Variants in THRB observed in about 807,000 individuals in gnomAD.
THRB encodes the protein nuclear receptor subfamily 1 group A member 2.
THRB carries 12 observed loss-of-function variants against 47.8 expected under a neutral mutation model. The ratio of observed to expected loss-of-function variants is 0.25; its 90% CI spans 0.16 to 0.41. The LOEUF (loss-of-function observed/expected upper bound fraction) is 0.41. THRB is among the 10% of genes least tolerant of loss of function. The pLI is 1.00. For missense variants in THRB, 348 were observed against 589.2 expected, an observed-to-expected ratio of 0.59 and a Z score of 4.24; for synonymous variants, 218 against 212.2, an observed-to-expected ratio of 1.03 and a Z score of -0.24.
At chr3:24,395,622 G>A (rs965652543) in intron 1 of THRB, among the ~76,000 whole-genome samples, 16 of 152,162 alleles carry the variant, frequency 1.1e-4, no homozygotes, top group Admixed American at 2.0e-4. Context: ...ACAAGTGTTG[G>A]CAAGGATGTA....
At chr3:24,191,769 T>C (rs189790979) in intron 4 of THRB, among the ~76,000 whole-genome samples, 4 of 152,344 alleles carry the variant, frequency 2.6e-5, no homozygotes, top group South Asian at 4.1e-4. Flanking sequence ...CCAATGCCCA[T>C]GCACATTGTA....
intron 5 of THRB, among the ~76,000 whole-genome samples, chr3:24,155,299 G>T (rs1173121586): frequency 6.6e-6 from 1 of 152,152 alleles, no homozygotes; most frequent in African/African-American, 2.4e-5. Context: ...AATGACTTTA[G>T]TTAAATCATC....
At chr3:24,158,438 GGA>G (rs79754989) in intron 5 of THRB, among the ~76,000 whole-genome samples, 47,719 of 134,476 alleles carry the variant, frequency 0.35, 8,497 homozygotes, top group South Asian at 0.48. Context: ...TTTTTTGGGG[GGA>G]GGGTGGGGGA....
chr3:24,140,656 A>G (rs1346768146), intron 8 of THRB, among the ~76,000 whole-genome samples: 1 of 152,184 alleles, frequency 6.6e-6, no homozygotes, highest in Non-Finnish European at 1.5e-5. Context: ...TGGAAGCTGC[A>G]AGGCTTCTTA....
intron 1 of THRB, among the ~76,000 whole-genome samples, chr3:24,422,541 C>G (rs1234448546): frequency 6.6e-6 from 1 of 151,918 alleles, no homozygotes; most frequent in African/African-American, 2.4e-5. Context: ...CAGCCACTCT[C>G]CTCAATTTCC....
At chr3:24,374,540 G>C (rs975578790) in intron 1 of THRB, among the ~76,000 whole-genome samples, 7 of 152,114 alleles carry the variant, frequency 4.6e-5, no homozygotes, top group African/African-American at 1.4e-4. Context: ...CTTCAGGGCT[G>C]ATACTATTAT....
At chr3:24,317,680 G>A (rs762074365) in intron 2 of THRB, among the ~76,000 whole-genome samples, 2 of 152,146 alleles carry the variant, frequency 1.3e-5, no homozygotes, top group Non-Finnish European at 2.9e-5. Flanking sequence ...TCAATTCTTA[G>A]ACTACCATAT....
At chr3:24,209,795 C>T (rs2045824196) in intron 4 of THRB, among the ~76,000 whole-genome samples, 2 of 151,854 alleles carry the variant, frequency 1.3e-5, no homozygotes, top group African/African-American at 4.8e-5. Flanking sequence ...GCACATTGTG[C>T]ACATGTACCC....
chr3:24,427,994 G>T (rs969191432), intron 1 of THRB, among the ~76,000 whole-genome samples: 1 of 151,734 alleles, frequency 6.6e-6, no homozygotes, highest in Admixed American at 6.6e-5. Context: ...TCCAGCTTAT[G>T]TGCCTTTAAT....
At chr3:24,284,908 C>T (rs1160247728) in intron 3 of THRB, among the ~76,000 whole-genome samples, 1 of 152,074 alleles carries the variant, frequency 6.6e-6, no homozygotes, top group Non-Finnish European at 1.5e-5. Context: ...GTTAGAATGG[C>T]AATCATTAAA....
In THRB at chr3:24,122,904, A is replaced by G. The variant is rs773205032; in HGVS notation, c.1366T>C (p.Leu456=). Reference sequence around the variant, plus strand: ...TCAGTCTAATCCTCGAACACTTCCAAGAACAAAGGGGGGAAGAGTTCTGTG... The same window carrying G: ...TCAGTCTAATCCTCGAACACTTCCAGGAACAAAGGGGGGAAGAGTTCTGTG... ...CPTELFPPLF[L]EVFED The change falls in exon 11 of 11, where the codon TTG becomes CTG. Residue 456 remains leucine, a synonymous_variant. Coordinates refer to ENST00000646209, the MANE Select transcript of THRB (RefSeq NM_001354712.2). The G allele has an allele frequency of 7.4e-6, 12 of 1,614,082 alleles. No homozygotes were observed. In the African/African-American group the frequency reaches 9.3e-5, roughly 13 times the overall value.
intron 3 of THRB, among the ~76,000 whole-genome samples, chr3:24,234,130 G>A (rs2048629438): frequency 1.3e-5 from 2 of 152,168 alleles, no homozygotes; most frequent in South Asian, 4.1e-4. Context: ...CTTTAGCTGA[G>A]TGATCTCAAC....
chr3:24,297,381 G>C lies in THRB; in HGVS notation c.-188-10C>G, dbSNP rs1048990058. On this transcript the variant is annotated splice_polypyrimidine_tract_variant and intron_variant, in intron 2 of 10. Transcript: ENST00000646209. ...TTGCCTCTCTGGCGAGCTGCAGAAA[G>C]GAATTTCTGCATTATTGTGATCATC... The C allele has an allele frequency of 9.2e-5, 14 of 152,338 alleles. No homozygotes were observed. The highest frequency in any genetic ancestry group is 3.4e-4 in the African/African-American group (14 of 41,576). The allele number at this position is 152,338 out of a possible 1,614,324, so 9.4% of individuals were successfully genotyped here.
intron 1 of THRB, among the ~76,000 whole-genome samples, chr3:24,357,372 A>AAAC (rs2063755620): frequency 6.8e-6 from 1 of 147,306 alleles, no homozygotes; most frequent in Non-Finnish European, 1.5e-5. Flanking sequence ...AAAAAAAAAA[A>AAAC]AACAAAAAAC....
chr3:24,331,116 T>G (rs1161662509), intron 2 of THRB, among the ~76,000 whole-genome samples: 1 of 152,132 alleles, frequency 6.6e-6, no homozygotes, highest in Admixed American at 6.5e-5. Flanking sequence ...TGATTTTGTC[T>G]TCTGAAAAAT....
chr3:24,258,137 G>A (rs758913320), intron 3 of THRB, among the ~76,000 whole-genome samples: 4 of 152,196 alleles, frequency 2.6e-5, no homozygotes, highest in Non-Finnish European at 5.9e-5. Flanking sequence ...AAGGAAGCAT[G>A]CCAAGAGGCA....
intron 4 of THRB, among the ~76,000 whole-genome samples, chr3:24,196,236 C>G (rs960502749): frequency 6.6e-6 from 1 of 152,124 alleles, no homozygotes; most frequent in African/African-American, 2.4e-5. Context: ...CTTCTGGTTG[C>G]CAAGGACTGT....
In THRB at chr3:24,278,510, A is replaced by G. The variant is rs562620543; in HGVS notation, c.-43+18716T>C. ...GAAAAACCTATTTTTGCTTCTGAAT[A>G]GAAAGCATAATATTATCATTTATAC... On this transcript the variant is annotated intron_variant, in intron 3 of 10. Transcript: ENST00000646209. Among the ~76,000 whole-genome samples the G allele has an allele frequency of 7.0e-4, 106 of 152,336 alleles. 1 individual carries two copies. The highest frequency in any genetic ancestry group is 3.9e-3 in the Admixed American group (60 of 15,306).
chr3:24,359,275 G>T (rs1436262024), intron 1 of THRB, among the ~76,000 whole-genome samples: 1 of 152,154 alleles, frequency 6.6e-6, no homozygotes, highest in Non-Finnish European at 1.5e-5. Flanking sequence ...TGACAGGAAG[G>T]CTTAGCTGAG....
Sources: gnomAD v4.1 joint callset for allele counts (sites outside exome capture counted in the v4.1 genomes callset) on GRCh38, gnomAD v4.1.1 for gene constraint, MANE v1.5 for transcripts, NCBI Gene and HGNC (gene_info 2026-07-23, HGNC 2026-07-21) for gene names.